The following SMYD3 variants were observed in gnomAD, a reference collection of about 807,000 sequenced individuals.
SMYD3 encodes SET and MYND domain containing 3, also known as histone-lysine N-methyltransferase SMYD3.
A neutral mutation model predicts 57.7 loss-of-function variants in SMYD3; 36 were observed. The ratio of observed to expected loss-of-function variants is 0.62; its 90% CI spans 0.48 to 0.82. The LOEUF (loss-of-function observed/expected upper bound fraction) is 0.82, where lower values mean the gene tolerates loss of function less well. Among genes scored for constraint, SMYD3 ranks in the 40% least tolerant of loss-of-function variants. The pLI, the probability that SMYD3 is intolerant of heterozygous loss-of-function variation, is 0.00. For synonymous variants in SMYD3, 211 were observed against 195.0 expected (o/e 1.08, Z -0.68); for missense variants, 515 against 538.8 (o/e 0.96, Z 0.44).
chr1:246,227,343 C>T (rs534365056), intron 5 of SMYD3, among the ~76,000 whole-genome samples: 1 of 152,292 alleles, frequency 6.6e-6, no homozygotes, highest in Admixed American at 6.5e-5. Flanking sequence ...TGGCCGGGTG[C>T]GGCGGCTCAC....
At chr1:245,895,601 T>C (rs950512127) in intron 8 of SMYD3, among the ~76,000 whole-genome samples, 1 of 152,236 alleles carries the variant, frequency 6.6e-6, no homozygotes, top group African/African-American at 2.4e-5. Context: ...AGAACTTTCA[T>C]TTCCTTTGAA....
chr1:245,881,007 G>T (rs1273366077), intron 8 of SMYD3, among the ~76,000 whole-genome samples: 1 of 151,998 alleles, frequency 6.6e-6, no homozygotes, highest in African/African-American at 2.4e-5. Flanking sequence ...CTTGCCCTGG[G>T]TAGGCGGGCC....
At chr1:245,987,809 G>A (rs1399313302) in intron 5 of SMYD3, among the ~76,000 whole-genome samples, 3 of 152,106 alleles carry the variant, frequency 2.0e-5, no homozygotes, top group African/African-American at 7.2e-5. Flanking sequence ...AACATCTGAG[G>A]GTTTGTAACA....
intron 10 of SMYD3, among the ~76,000 whole-genome samples, chr1:245,820,222 G>A (rs2049083233): frequency 6.6e-6 from 1 of 150,672 alleles, no homozygotes; most frequent in African/African-American, 2.4e-5. Flanking sequence ...TCATCCCTGG[G>A]ATGCAAGGCT....
chr1:246,176,940 A>G (rs1213806671), intron 5 of SMYD3, among the ~76,000 whole-genome samples: 6 of 152,226 alleles, frequency 3.9e-5, no homozygotes, highest in Non-Finnish European at 5.9e-5. Flanking sequence ...TAATGTCTGA[A>G]TCCCCAAACT....
chr1:245,750,386 C>T (rs1052384368), intron 11 of SMYD3, among the ~76,000 whole-genome samples: 1 of 152,198 alleles, frequency 6.6e-6, no homozygotes, highest in African/African-American at 2.4e-5. Flanking sequence ...TGTACAGGCA[C>T]TCTGGCTGGC....
chr1:245,857,929 C>T (rs2051334929), intron 10 of SMYD3, among the ~76,000 whole-genome samples: 1 of 152,202 alleles, frequency 6.6e-6, no homozygotes, highest in Non-Finnish European at 1.5e-5. Context: ...AAGCAATTAC[C>T]TATAGTTCCT....
chr1:246,355,144 G>T lies in SMYD3; in HGVS notation c.165-50C>A, dbSNP rs1226256122. 6.5e-7 allele frequency: 1 copy of T among 1,547,586 alleles called. No individual in the cohort carries two copies. Among genetic ancestry groups the T allele is most frequent in the Non-Finnish European group, 8.9e-7 (1 of 1,119,546 alleles). On this transcript the variant is annotated intron_variant, in intron 1 of 11. Coordinates refer to ENST00000490107, the MANE Select transcript of SMYD3 (RefSeq NM_001167740.2). This position sits in a 1 kb window ranked among gnomAD's most constrained non-coding sequence, Gnocchi z 5.0. ...CATTAAGAAATGAGTGGGAAACATA[G>T]TACATAGTTGAAGAAAGAAAACATA...
chr1:245,964,968 TC>T (rs2058103276), intron 5 of SMYD3, among the ~76,000 whole-genome samples: 1 of 151,794 alleles, frequency 6.6e-6, no homozygotes, highest in African/African-American at 2.4e-5. Flanking sequence ...AAACCACAGA[TC>T]CATGAAGCTT....
intron 5 of SMYD3, among the ~76,000 whole-genome samples, chr1:245,958,064 T>C (rs1403566858): frequency 6.6e-6 from 1 of 152,142 alleles, no homozygotes; most frequent in Non-Finnish European, 1.5e-5. Flanking sequence ...CTATCTGCAA[T>C]GAGCCCAGCA....
chr1:245,867,018 G>T (rs1016563758), intron 8 of SMYD3, among the ~76,000 whole-genome samples: 6 of 152,248 alleles, frequency 3.9e-5, no homozygotes, highest in Admixed American at 1.3e-4. Context: ...TCCACATCCT[G>T]CTCTCCAAAC....
intron 5 of SMYD3, among the ~76,000 whole-genome samples, chr1:245,999,157 AC>A (rs1365715913): frequency 6.6e-6 from 1 of 152,150 alleles, no homozygotes; most frequent in Non-Finnish European, 1.5e-5. Flanking sequence ...GATATATTTT[AC>A]CACCAAAAAA....
rs963218100 is a variant in SMYD3, at chr1:246,175,804, A to T, written c.531+151397T>A. Among the ~76,000 whole-genome samples, 6 of 152,242 alleles carry T rather than the reference A, an allele frequency of 3.9e-5. No homozygotes were observed. The East Asian group carries it at 1.2e-3, about 29-fold the overall frequency. On this transcript the variant is annotated intron_variant, in intron 5 of 11. Transcript: ENST00000490107. ...GTCAATCACCTAATTATCATTATTCATTAAGGAGGGCTTTCAAATACATTG... is the reference window on the plus strand; with the variant it reads ...GTCAATCACCTAATTATCATTATTCTTTAAGGAGGGCTTTCAAATACATTG...
At chr1:246,223,821 A>G (rs2063289564) in intron 5 of SMYD3, among the ~76,000 whole-genome samples, 1 of 152,142 alleles carries the variant, frequency 6.6e-6, no homozygotes, top group Non-Finnish European at 1.5e-5. Flanking sequence ...GTCCTTTACA[A>G]TACGGAATAC....
intron 5 of SMYD3, among the ~76,000 whole-genome samples, chr1:246,057,455 T>C (rs564952426): frequency 3.3e-5 from 5 of 152,184 alleles, no homozygotes; most frequent in Non-Finnish European, 5.9e-5. Context: ...AGTTTTTGCA[T>C]TAAAAATGTA....
chr1:246,284,749 T>C (rs2064526057), intron 5 of SMYD3, among the ~76,000 whole-genome samples: 2 of 152,142 alleles, frequency 1.3e-5, no homozygotes, highest in Admixed American at 6.6e-5. Flanking sequence ...CTTTTTCTGA[T>C]TGTATTGAGA....
chr1:246,134,406 T>C (rs1338863722), intron 5 of SMYD3, among the ~76,000 whole-genome samples: 1 of 152,126 alleles, frequency 6.6e-6, no homozygotes, highest in Non-Finnish European at 1.5e-5. Context: ...ATCATGTATA[T>C]GATTCATAAG....
At chr1:245,801,167 G>T (rs545631415) in intron 10 of SMYD3, among the ~76,000 whole-genome samples, 1 of 152,282 alleles carries the variant, frequency 6.6e-6, no homozygotes, top group African/African-American at 2.4e-5. Flanking sequence ...TTTTGTCTGG[G>T]TGTGCTACGT....
intron 1 of SMYD3, among the ~76,000 whole-genome samples, chr1:246,412,493 T>C (rs1321432104): frequency 6.6e-6 from 1 of 152,128 alleles, no homozygotes; most frequent in Non-Finnish European, 1.5e-5. Flanking sequence ...CAATAAAACA[T>C]ATTGAATGAC....
Sources: gnomAD v4.1 joint callset for allele counts (sites outside exome capture counted in the v4.1 genomes callset) on GRCh38, gnomAD v4.1.1 for gene constraint, Gnocchi (gnomAD v3.1) non-coding constraint, MANE v1.5 for transcripts, NCBI Gene and HGNC (gene_info 2026-07-23, HGNC 2026-07-21) for gene names.